AP3B1: variants seen among roughly 807,000 people sequenced by gnomAD.
The protein encoded by AP3B1 is adaptor related protein complex 3 subunit beta 1.
A neutral mutation model predicts 132.5 loss-of-function variants in AP3B1; 61 were observed. That is an observed-to-expected ratio of 0.46 (90% CI 0.37 to 0.57). AP3B1 has a LOEUF of 0.57. AP3B1 is among the 20% of genes least tolerant of loss of function. The pLI, the probability that AP3B1 is intolerant of heterozygous loss-of-function variation, is 0.00. For missense variants in AP3B1, 1,120 were observed against 1,289.4 expected, an observed-to-expected ratio of 0.87 and a Z score of 2.01; for synonymous variants, 388 against 438.3, an observed-to-expected ratio of 0.89 and a Z score of 1.43.
Position 78,015,567 on chromosome 5 carries a change from G to A in AP3B1, c.2993-19C>T, listed in dbSNP as rs1746825407. 1.2e-6 allele frequency: 2 copies of A among 1,611,620 alleles called. No homozygotes were observed. The highest frequency in any genetic ancestry group is 1.3e-5 in the African/African-American group (1 of 74,798). ...AGCACTCCTGTAAAAGCAAAAGAAG[G>A]CTCCCTTTTATTAATTTCTTTTTGA... On this transcript the variant is annotated intron_variant, in intron 25 of 26. Coordinates refer to ENST00000255194, the MANE Select transcript of AP3B1 (RefSeq NM_003664.5).
intron 22 of AP3B1, among the ~76,000 whole-genome samples, chr5:78,080,346 A>G (rs1264043874): frequency 6.6e-6 from 1 of 152,126 alleles, no homozygotes; most frequent in African/African-American, 2.4e-5. Flanking sequence ...GATTTGTCTA[A>G]CAGGTATTTC....
At chr5:78,208,153 A>C (rs746345309) in intron 7 of AP3B1, among the ~76,000 whole-genome samples, 3 of 152,154 alleles carry the variant, frequency 2.0e-5, no homozygotes, top group Non-Finnish European at 4.4e-5. Flanking sequence ...CAGAAGAGAC[A>C]TGAAATTAAG....
At chr5:78,245,534 T>C (rs923462804) in intron 2 of AP3B1, among the ~76,000 whole-genome samples, 1 of 152,212 alleles carries the variant, frequency 6.6e-6, no homozygotes, top group Non-Finnish European at 1.5e-5. Flanking sequence ...CATATTTTTA[T>C]GGCCAGTTTA....
intron 22 of AP3B1, among the ~76,000 whole-genome samples, chr5:78,058,510 AT>A (rs1458681279): frequency 3.3e-5 from 5 of 152,072 alleles, no homozygotes; most frequent in African/African-American, 7.3e-5. Flanking sequence ...AAAAAAAAAA[AT>A]GTTATTATAA....
chr5:78,174,150 G>A (rs760101149), intron 11 of AP3B1, among the ~76,000 whole-genome samples: 2 of 152,136 alleles, frequency 1.3e-5, no homozygotes, highest in Non-Finnish European at 2.9e-5. Flanking sequence ...GCTCGGAGAA[G>A]TTTGTTACTA....
intron 2 of AP3B1, among the ~76,000 whole-genome samples, chr5:78,241,204 A>ATT (rs34571884): frequency 1.3e-3 from 191 of 146,154 alleles, no homozygotes; most frequent in African/African-American, 3.8e-3. Flanking sequence ...GTTATAAGTA[A>ATT]TTTTTTTTTT....
At position 78,046,827 on chromosome 5, in the gene AP3B1, A is replaced by G. The variant is rs901377150; in HGVS notation, c.2578-7553T>C. On this transcript the variant is annotated intron_variant, in intron 22 of 26. Transcript: ENST00000255194. Reference sequence around the variant, plus strand: ...AATCACCCTGTCATCTATATTAGGTATTTCTCCTAATGCTAGCCCTCCCCT... The same window carrying G: ...AATCACCCTGTCATCTATATTAGGTGTTTCTCCTAATGCTAGCCCTCCCCT... 3.3e-5 allele frequency among the ~76,000 whole-genome samples: 5 copies of G among 151,934 alleles called. No homozygotes were observed. The East Asian group carries it at 7.7e-4, about 23-fold the overall frequency.
chr5:78,115,156 T>C (rs1188418521), intron 18 of AP3B1, among the ~76,000 whole-genome samples: 2 of 152,178 alleles, frequency 1.3e-5, no homozygotes, highest in Non-Finnish European at 2.9e-5. Flanking sequence ...TACACGCACA[T>C]ACATATTAAG....
chr5:78,072,128 G>A (rs1749567468), intron 22 of AP3B1, among the ~76,000 whole-genome samples: 2 of 152,108 alleles, frequency 1.3e-5, no homozygotes, highest in African/African-American at 2.4e-5. Flanking sequence ...CTGATATGAT[G>A]AACAACTAGA....
chr5:78,015,626 A>C, intron 25 of AP3B1, 78 bp from the exon 26 acceptor site: 2 of 1,497,392 alleles, frequency 1.3e-6, no homozygotes, highest in African/African-American at 2.8e-5. Context: ...GCTCATGGCC[A>C]AAATTTTAAC....
At chr5:78,239,446 G>GAGTGACGAAGT (rs1180631623) in intron 3 of AP3B1, among the ~76,000 whole-genome samples, 1 of 148,334 alleles carries the variant, frequency 6.7e-6, no homozygotes. Context: ...ACTCCAGCCT[G>GAGTGACGAAGT]GGAGATAGAG....
rs758789954 is a variant in AP3B1 at position 78,177,403 on chromosome 5, T to C, written c.976A>G (p.Ile326Val). 9.9e-6 allele frequency: 16 copies of C among 1,614,000 alleles called. No homozygotes were observed. The highest frequency in any genetic ancestry group is 1.4e-5 in the Non-Finnish European group (16 of 1,179,896). Residue 326 changes from isoleucine (I) to valine (V), a missense_variant, in exon 9 of 27, where the codon ATA (isoleucine) becomes GTA (valine). Physicochemically the swap from Ile to Val is conservative, Grantham distance 29. Transcript: ENST00000255194. ...ATGCCAGCTTCAGATTTTGGTGATA[T>C]GTGCCAATACAGCTGAGCAACTGCC... ...VMAVAQLYWH[I>V]SPKSEAGIIS...
chr5:78,200,263 T>A (rs1262034238), intron 7 of AP3B1, among the ~76,000 whole-genome samples: 1 of 152,032 alleles, frequency 6.6e-6, no homozygotes, highest in Non-Finnish European at 1.5e-5. Context: ...AATGGGTGTG[T>A]AACAGAAGGG....
chr5:78,056,421 A>G (rs1051090716), intron 22 of AP3B1, among the ~76,000 whole-genome samples: 3 of 152,224 alleles, frequency 2.0e-5, no homozygotes, highest in Non-Finnish European at 2.9e-5. Flanking sequence ...CATTATTTGG[A>G]TTATTAGTAA....
chr5:78,047,047 C>T (rs555200687), intron 22 of AP3B1, among the ~76,000 whole-genome samples: 2 of 152,322 alleles, frequency 1.3e-5, no homozygotes, highest in African/African-American at 2.4e-5. Flanking sequence ...TTTTTTATGG[C>T]TGCATAGTAT....
At position 78,113,940 on chromosome 5, in the gene AP3B1, G is replaced by T; in HGVS notation, c.2078-17C>A. The T allele has an allele frequency of 6.2e-7, 1 of 1,612,118 alleles. No individual in the cohort carries two copies. Among genetic ancestry groups the T allele is most frequent in the Non-Finnish European group, 8.5e-7 (1 of 1,178,750 alleles). On this transcript the variant is annotated splice_polypyrimidine_tract_variant and intron_variant, in intron 18 of 26. Coordinates refer to ENST00000255194, the MANE Select transcript of AP3B1 (RefSeq NM_003664.5). ...ATTCACTCTCTGAAAAACAGAACCA[G>T]ATGTTCTTAGATTTATAGTCATTTA...
At chr5:78,196,417 C>T (rs950314525) in intron 7 of AP3B1, among the ~76,000 whole-genome samples, 3 of 152,090 alleles carry the variant, frequency 2.0e-5, no homozygotes, top group African/African-American at 4.8e-5. Flanking sequence ...CATTCATTGC[C>T]GATGGGAATG....
chr5:78,128,053 G>A lies in AP3B1; in HGVS notation c.1945C>T (p.Arg649Ter), dbSNP rs370293290. The A allele has an allele frequency of 2.5e-6, 4 of 1,612,842 alleles. No individual in the cohort carries two copies. The highest frequency in any genetic ancestry group is 1.7e-5 in the Admixed American group (1 of 59,954). The change falls in exon 17 of 27, where the codon CGA (arginine) becomes TGA (stop). Residue 649 changes from arginine (R) to a stop codon, truncating the protein, a stop_gained. Transcript: ENST00000255194. LOFTEE classifies it high-confidence loss of function. The stretch of plus-strand genomic sequence containing the variant: ...ACCAACTCTATTACTTCTACATTTC[G>A]AACTGATGGGTCGGGCGCCACCTCT... ...WPEVAPDPSV[R>*]NVEVIELAKE...
intron 21 of AP3B1, among the ~76,000 whole-genome samples, chr5:78,095,077 C>T (rs1197367995): frequency 6.6e-6 from 1 of 152,150 alleles, no homozygotes; most frequent in African/African-American, 2.4e-5. Context: ...TGCATTTCTC[C>T]TCATTTCATC....
Sources: gnomAD v4.1 joint callset for allele counts (sites outside exome capture counted in the v4.1 genomes callset) on GRCh38, gnomAD v4.1.1 for gene constraint, MANE v1.5 for transcripts, NCBI Gene and HGNC (gene_info 2026-07-23, HGNC 2026-07-21) for gene names.